MYPN: variants seen among roughly 807,000 people sequenced by gnomAD.
MYPN encodes sarcomeric protein myopalladin, 145 kDa (MYOP).
A neutral mutation model predicts 129.4 loss-of-function variants in MYPN; 63 were observed. The ratio of observed to expected loss-of-function variants is 0.49; its 90% CI spans 0.40 to 0.60. The LOEUF (loss-of-function observed/expected upper bound fraction) is 0.60. Ranked by LOEUF, MYPN falls within the 20% of genes least tolerant of loss-of-function variation. MYPN has a pLI of 0.00. For missense variants in MYPN, 1,596 were observed against 1,635.4 expected, an observed-to-expected ratio of 0.98 and a Z score of 0.42; for synonymous variants, 629 against 600.9, an observed-to-expected ratio of 1.05 and a Z score of -0.68.
In MYPN at chr10:68,096,837, A is replaced by G. The variant is rs75469770; in HGVS notation, c.-2+8845A>G. On this transcript the variant is annotated intron_variant, in intron 1 of 6. Transcript: ENST00000685154. ...TTCAAAATCACTTAACCTTAACAAT[A>G]ATTTGGTTAGTCTATGTTGAATACC... Among the ~76,000 whole-genome samples the G allele has an allele frequency of 0.018, 2,708 of 152,290 alleles. 183 individuals carry two copies. In the East Asian group the frequency reaches 0.2, roughly 11 times the overall value.
At chr10:68,099,562 C>A (rs571428767) in intron 1 of MYPN, among the ~76,000 whole-genome samples, 6 of 151,964 alleles carry the variant, frequency 3.9e-5, no homozygotes, top group Admixed American at 2.6e-4. Context: ...ATCACTTGAA[C>A]TTGGGAGGCA....
At chr10:68,155,784 A>C (rs575262522) in intron 6 of MYPN, among the ~76,000 whole-genome samples, 1 of 152,302 alleles carries the variant, frequency 6.6e-6, no homozygotes, top group East Asian at 1.9e-4. Flanking sequence ...ATGACTCTTA[A>C]CAGTTTTCTA....
intron 2 of MYPN, among the ~76,000 whole-genome samples, chr10:68,122,889 C>A (rs918016935): frequency 6.6e-6 from 1 of 151,270 alleles, no homozygotes; most frequent in African/African-American, 2.4e-5. Context: ...GCAACAAGAG[C>A]GAAACTCAGT....
intron 12 of MYPN, among the ~76,000 whole-genome samples, chr10:68,182,226 C>CAT (rs1206445549): frequency 1.2e-5 from 1 of 83,370 alleles, no homozygotes; most frequent in Non-Finnish European, 2.6e-5. Context: ...ATATATAACA[C>CAT]ATATATATAT....
intron 4 of MYPN, among the ~76,000 whole-genome samples, chr10:68,145,996 T>TATAA (rs1469796133): frequency 6.6e-5 from 10 of 152,242 alleles, no homozygotes; most frequent in African/African-American, 1.9e-4. Flanking sequence ...CTCTCTTTTA[T>TATAA]AGTGTCCAAA....
chr10:68,188,919 A>T lies in MYPN; in HGVS notation c.2718A>T (p.Ser906=). The change falls in exon 13 of 20, where the codon TCA becomes TCT. Residue 906 remains serine (S), a synonymous_variant. Transcript: ENST00000358913. ...VRPNQQEYKI[S]SFEQRLMNEI... The stretch of plus-strand genomic sequence containing the variant: ...CATTTTGACAGGAGTACAAAATTTC[A>T]AGCTTTGAGCAGAGGCTGATGAATG... The T allele has an allele frequency of 6.2e-7, 1 of 1,613,890 alleles. No individual in the cohort carries two copies. The highest frequency in any genetic ancestry group is 8.5e-7 in the Non-Finnish European group (1 of 1,179,928).
intron 1 of MYPN, among the ~76,000 whole-genome samples, chr10:68,113,310 C>G (rs2133969168): frequency 6.6e-6 from 1 of 152,266 alleles, no homozygotes; most frequent in South Asian, 2.1e-4. Context: ...TATTTTTGGG[C>G]CTGCCTCTAA....
chr10:68,209,359 A>G (rs1435136951), intron 19 of MYPN, among the ~76,000 whole-genome samples: 1 of 152,246 alleles, frequency 6.6e-6, no homozygotes, highest in East Asian at 1.9e-4. Context: ...TCCCTGAACC[A>G]TGGTTGATTG....
chr10:68,154,144 T>G (rs749688575), intron 6 of MYPN, among the ~76,000 whole-genome samples: 1 of 152,224 alleles, frequency 6.6e-6, no homozygotes, highest in East Asian at 1.9e-4. Flanking sequence ...GCTCTTTAAC[T>G]GTGGATAGAG....
chr10:68,172,125 G>A (rs1325107608), intron 10 of MYPN, among the ~76,000 whole-genome samples: 1 of 152,142 alleles, frequency 6.6e-6, no homozygotes, highest in African/African-American at 2.4e-5. Flanking sequence ...AGGCCAAGGC[G>A]GGCAAATTGC....
intron 19 of MYPN, among the ~76,000 whole-genome samples, chr10:68,209,157 C>G (rs777645826): frequency 3.9e-4 from 60 of 152,166 alleles, no homozygotes; most frequent in African/African-American, 1.4e-3. Flanking sequence ...ACCTAGGGAA[C>G]GCCCTTCTGC....
chr10:68,098,274 C>T (rs181040343), intron 1 of MYPN, among the ~76,000 whole-genome samples: 1 of 152,054 alleles, frequency 6.6e-6, no homozygotes, highest in East Asian at 1.9e-4. Flanking sequence ...TTTACTATGG[C>T]TTTTATGCTT....
intron 1 of MYPN, among the ~76,000 whole-genome samples, chr10:68,091,847 T>A (rs1432709338): frequency 2.6e-4 from 39 of 150,794 alleles, no homozygotes; most frequent in Admixed American, 1.7e-3. Context: ...TTTTTTAAAG[T>A]GCAGCCAAAA....
intron 4 of MYPN, among the ~76,000 whole-genome samples, chr10:68,147,152 T>A (rs935488967): frequency 1.3e-5 from 2 of 152,146 alleles, no homozygotes; most frequent in African/African-American, 4.8e-5. Flanking sequence ...AGAATTTTTT[T>A]ATTATTTATT....
At chr10:68,209,671 C>CTTTTTTTTTTTTTTTTTTTTGTTTTT (rs35392300) in intron 19 of MYPN, among the ~76,000 whole-genome samples, 1 of 131,238 alleles carries the variant, frequency 7.6e-6, no homozygotes. Context: ...GAATTCTTTT[C>CTTTTTTTTTTTTTTTTTTTTGTTTTT]TTTTTTTTTT....
chr10:68,174,188 C>T lies in MYPN; in HGVS notation c.2096C>T (p.Ala699Val), dbSNP rs1469965520. Residue 699 changes from alanine (A) to valine (V), a missense_variant, in exon 11 of 20, where the codon GCT becomes GTT. Ala to Val is a moderately conservative substitution (Grantham distance 64, BLOSUM62 0). Coordinates refer to ENST00000358913, the MANE Select transcript of MYPN (RefSeq NM_032578.4). ...AGCATGACTGTTTTGAACTCCAATG[C>T]TCCCCCAGCGGTGACAACATCCAGT... ...PFSMTVLNSN[A>V]PPAVTTSSKQ... The T allele has an allele frequency of 5.6e-6, 9 of 1,613,910 alleles. No homozygotes were observed. Among genetic ancestry groups the T allele is most frequent in the Non-Finnish European group, 5.9e-6 (7 of 1,179,972 alleles).
intron 1 of MYPN, among the ~76,000 whole-genome samples, chr10:68,093,574 T>TAAAAAA (rs34247732): frequency 9.4e-6 from 1 of 106,822 alleles, no homozygotes; most frequent in Non-Finnish European, 2.0e-5. Flanking sequence ...CCATCTCTAC[T>TAAAAAA]AAAAAAAAAA....
At chr10:68,199,702 G>T (rs911557610) in intron 17 of MYPN, 127 bp downstream of exon 17, 3 of 887,808 alleles carry the variant, frequency 3.4e-6, no homozygotes, top group African/African-American at 3.3e-5. Context: ...CCCCTTCACT[G>T]TGGTAGGGGT....
At chr10:68,188,266 C>T (rs960501519) in intron 12 of MYPN, among the ~76,000 whole-genome samples, 2 of 152,136 alleles carry the variant, frequency 1.3e-5, no homozygotes, top group Admixed American at 6.5e-5. Context: ...TGCACCGCCA[C>T]ACCCAGCTAA....
Sources: gnomAD v4.1 joint callset for allele counts (sites outside exome capture counted in the v4.1 genomes callset) on GRCh38, gnomAD v4.1.1 for gene constraint, MANE v1.5 for transcripts, NCBI Gene and HGNC (gene_info 2026-07-23, HGNC 2026-07-21) for gene names.